The following PTPRD variants were observed in gnomAD, a reference collection of about 807,000 sequenced individuals.
PTPRD encodes receptor-type tyrosine-protein phosphatase delta.
In PTPRD, 34 loss-of-function variants were observed where a neutral mutation model predicts 214.5. The observed-to-expected ratio is 0.16, with a 90% CI of 0.12 to 0.21. PTPRD has a LOEUF of 0.21. PTPRD is among the 10% of genes least tolerant of loss of function. The pLI is 1.00. For synonymous variants in PTPRD, 1,128 were observed against 845.7 expected (o/e 1.33, Z -5.79); for missense variants, 2,545 against 2,398.7 (o/e 1.06, Z -1.27).
intron 8 of PTPRD, among the ~76,000 whole-genome samples, chr9:9,507,245 T>C (rs62533239): frequency 0.074 from 11,181 of 151,284 alleles, 443 homozygotes; most frequent in South Asian, 0.13. Context: ...ATATACAATA[T>C]ATATTAATTT....
intron 7 of PTPRD, among the ~76,000 whole-genome samples, chr9:9,684,718 T>C (rs1378141153): frequency 1.3e-5 from 2 of 151,686 alleles, no homozygotes; most frequent in Non-Finnish European, 3.0e-5. Context: ...TGTATGTGTG[T>C]GTGTGTGGTT....
chr9:8,952,077 C>T (rs2099105085), intron 11 of PTPRD, among the ~76,000 whole-genome samples: 1 of 151,850 alleles, frequency 6.6e-6, no homozygotes, highest in South Asian at 2.1e-4. Flanking sequence ...TAACTATTTA[C>T]CTTATTTCTC....
chr9:9,030,935 G>A (rs1353981624), intron 10 of PTPRD, among the ~76,000 whole-genome samples: 1 of 151,914 alleles, frequency 6.6e-6, no homozygotes, highest in African/African-American at 2.4e-5. Context: ...GGAGTTCTGA[G>A]GATGATTCAT....
chr9:9,472,613 A>G (rs2094702938), intron 8 of PTPRD, among the ~76,000 whole-genome samples: 1 of 151,980 alleles, frequency 6.6e-6, no homozygotes, highest in Non-Finnish European at 1.5e-5. Context: ...GGAAAAAAAT[A>G]GGCTAAAATA....
At chr9:9,567,729 T>C (rs1395145622) in intron 8 of PTPRD, among the ~76,000 whole-genome samples, 1 of 151,936 alleles carries the variant, frequency 6.6e-6, no homozygotes, top group African/African-American at 2.4e-5. Context: ...CCTCCATGCT[T>C]CTCTATGCAG....
chr9:8,705,840 T>C lies in PTPRD; in HGVS notation c.64+27940A>G, dbSNP rs564624968. 3.3e-5 allele frequency among the ~76,000 whole-genome samples: 5 copies of C among 152,348 alleles called. No individual in the cohort carries two copies. The South Asian group carries it at 1.0e-3, about 32-fold the overall frequency. On this transcript the variant is annotated intron_variant, in intron 12 of 45. Coordinates refer to ENST00000381196, the MANE Select transcript of PTPRD (RefSeq NM_002839.4). ...GCAATTCCCTAGGTGTTTCTTTTGG[T>C]AATAGCACCTAGCATTTATATTTGT...
In PTPRD at chr9:9,463,156, C is replaced by T. The variant is rs79187296; in HGVS notation, c.-236-65674G>A. 5.6e-4 allele frequency among the ~76,000 whole-genome samples: 86 copies of T among 152,214 alleles called. 1 individual carries two copies. In the East Asian group the frequency reaches 0.016, roughly 29 times the overall value. ...TCCTGGTATTAATTCAACTTTCTAC[C>T]TTGGCTCTCCCAGTTGTGAGGTCAT... On this transcript the variant is annotated intron_variant, in intron 8 of 45. Coordinates refer to ENST00000381196, the MANE Select transcript of PTPRD (RefSeq NM_002839.4).
At chr9:8,735,090 G>C (rs890514796) in intron 11 of PTPRD, among the ~76,000 whole-genome samples, 2 of 151,096 alleles carry the variant, frequency 1.3e-5, no homozygotes, top group Non-Finnish European at 2.9e-5. Context: ...TCGTGGGTCA[G>C]TAGGTCTGTG....
chr9:8,604,206 A>T (rs1437597672), intron 14 of PTPRD, among the ~76,000 whole-genome samples: 2 of 152,242 alleles, frequency 1.3e-5, no homozygotes, highest in Non-Finnish European at 2.9e-5. Context: ...AGACCCATGC[A>T]TGAAGTAAAA....
At chr9:10,504,283 G>C (rs2045127026) in intron 2 of PTPRD, among the ~76,000 whole-genome samples, 1 of 151,838 alleles carries the variant, frequency 6.6e-6, no homozygotes. Flanking sequence ...GAACATCACT[G>C]CAAGCCAGTA....
chr9:9,043,292 C>A (rs940115528), intron 10 of PTPRD, among the ~76,000 whole-genome samples: 3 of 152,230 alleles, frequency 2.0e-5, no homozygotes, highest in African/African-American at 7.2e-5. Flanking sequence ...AACTGTAGGT[C>A]ATTTTTAATA....
At chr9:9,523,955 T>C (rs2097057529) in intron 8 of PTPRD, among the ~76,000 whole-genome samples, 1 of 152,164 alleles carries the variant, frequency 6.6e-6, no homozygotes, top group Non-Finnish European at 1.5e-5. Flanking sequence ...TGACCTAAGA[T>C]GGGCCCACCA....
chr9:9,268,881 A>G (rs1468270207), intron 9 of PTPRD, among the ~76,000 whole-genome samples: 5 of 151,002 alleles, frequency 3.3e-5, no homozygotes, highest in East Asian at 2.0e-4. Context: ...GATTAAAGAC[A>G]TAATACCTAA....
intron 10 of PTPRD, among the ~76,000 whole-genome samples, chr9:9,087,473 C>T (rs931761040): frequency 6.6e-6 from 1 of 152,096 alleles, no homozygotes; most frequent in Admixed American, 6.5e-5. Context: ...AGGCATTGTC[C>T]TTCCATAAAG....
At chr9:10,196,415 A>G (rs1184488656) in intron 3 of PTPRD, among the ~76,000 whole-genome samples, 2 of 152,234 alleles carry the variant, frequency 1.3e-5, no homozygotes, top group Middle Eastern at 3.4e-3. Context: ...ATTAGTTCCC[A>G]CTACCATGAC....
chr9:10,221,540 C>T (rs530022243), intron 3 of PTPRD, among the ~76,000 whole-genome samples: 76 of 151,862 alleles, frequency 5.0e-4, no homozygotes, highest in African/African-American at 1.7e-3. Flanking sequence ...ATTATTTATC[C>T]GCTATTCCTT....
At chr9:8,738,818 T>C (rs1243848661) in intron 11 of PTPRD, among the ~76,000 whole-genome samples, 1 of 152,080 alleles carries the variant, frequency 6.6e-6, no homozygotes. Flanking sequence ...CTAGGTATCA[T>C]TGTTTATCTC....
intron 4 of PTPRD, among the ~76,000 whole-genome samples, chr9:9,958,475 G>A (rs1432346729): frequency 6.6e-6 from 1 of 152,164 alleles, no homozygotes; most frequent in South Asian, 2.1e-4. Context: ...AGGTTGCAGT[G>A]AGCCAAGATC....
chr9:10,531,122 G>C (rs950654194), intron 2 of PTPRD, among the ~76,000 whole-genome samples: 5 of 151,898 alleles, frequency 3.3e-5, no homozygotes, highest in African/African-American at 1.2e-4. Context: ...GCTAATTTTT[G>C]TATTTTTAGT....
Sources: gnomAD v4.1 joint callset for allele counts (sites outside exome capture counted in the v4.1 genomes callset) on GRCh38, gnomAD v4.1.1 for gene constraint, MANE v1.5 for transcripts, NCBI Gene and HGNC (gene_info 2026-07-23, HGNC 2026-07-21) for gene names.